CHML: variants seen among roughly 807,000 people sequenced by gnomAD.
The protein encoded by CHML is CHM like Rab escort protein.
CHML carries 20 observed loss-of-function variants against 30.4 expected under a neutral mutation model. The ratio of observed to expected loss-of-function variants is 0.66; its 90% CI spans 0.46 to 0.95. The LOEUF is 0.95. Ranked by LOEUF, CHML falls within the 40% of genes least tolerant of loss-of-function variation. The probability of loss-of-function intolerance (pLI) is 0.00; values close to 1 mark genes in which losing one functional copy is unlikely to be tolerated. For missense variants in CHML, 795 were observed against 768.5 expected, an observed-to-expected ratio of 1.03 and a Z score of -0.41; for synonymous variants, 281 against 275.0, an observed-to-expected ratio of 1.02 and a Z score of -0.22.
chr1:241,633,770 A>C lies in CHML; in HGVS notation c.*26T>G. On this transcript the variant is annotated 3_prime_UTR_variant, in exon 2 of 2. Coordinates refer to ENST00000366553, the MANE Select transcript of CHML (RefSeq NM_001381853.1). ...ATTCTGATGCCATGAAGGAGGTCCA[A>C]AACAGCATTTCGAGATTGCTCTTTT... is the stretch of plus-strand genomic sequence containing the variant. 1.2e-6 allele frequency: 2 copies of C among 1,610,762 alleles called. No homozygotes were observed. Among genetic ancestry groups the C allele is most frequent in the Non-Finnish European group, 1.7e-6 (2 of 1,178,832 alleles).
At position 241,628,875 on chromosome 1, in the gene CHML, A is replaced by G. The variant is rs535376939; in HGVS notation, c.*4921T>C. ...GTTCAGTAAACCACTTTACCAATTA[A>G]TCTTTTATTTTTTATTGCATACATC... On this transcript the variant is annotated 3_prime_UTR_variant, in exon 2 of 2. Coordinates refer to ENST00000366553, the MANE Select transcript of CHML (RefSeq NM_001381853.1). 10 of 152,692 alleles carry G rather than the reference A, an allele frequency of 6.5e-5. No individual in the cohort carries two copies. The South Asian group carries it at 1.7e-3, about 25-fold the overall frequency. The allele number at this position is 152,692 out of a possible 1,614,324, so 9.5% of individuals were successfully genotyped here. A position where few individuals can be genotyped will look rare whatever the true frequency, so the allele number is the denominator to read the frequency against.
Position 241,631,707 on chromosome 1 carries a change from T to G in CHML, c.*2089A>C, listed in dbSNP as rs1464387481. On this transcript the variant is annotated 3_prime_UTR_variant, in exon 2 of 2. Transcript: ENST00000366553. ...TTACTGAAGAACATTTTGTTAAAAT[T>G]TAGCCAAATTCTGCTTCGAGATCCA... 2 of 152,176 alleles carry G rather than the reference T, an allele frequency of 1.3e-5. No homozygotes were observed. The highest frequency in any genetic ancestry group is 2.9e-5 in the Non-Finnish European group (2 of 68,008). The allele number at this position is 152,176 out of a possible 1,614,324, so 9.4% of individuals were successfully genotyped here.
rs1664876881 is a variant in CHML at position 241,635,826 on chromosome 1, C to T, written c.-60G>A. ...ATGAAAGAAATGAGGTGTGATTATGCTGTAATAAAATCTGTCCTTCTGATG... is the reference window on the plus strand; with the variant it reads ...ATGAAAGAAATGAGGTGTGATTATGTTGTAATAAAATCTGTCCTTCTGATG... On this transcript the variant is annotated 5_prime_UTR_variant, in exon 2 of 2. Coordinates refer to ENST00000366553, the MANE Select transcript of CHML (RefSeq NM_001381853.1). 2 of 1,504,218 alleles carry T rather than the reference C, an allele frequency of 1.3e-6. No individual in the cohort carries two copies. Among genetic ancestry groups the T allele is most frequent in the African/African-American group, 1.4e-5 (1 of 71,940 alleles). The allele number at this position is 1,504,218 out of a possible 1,614,324, so 93.2% of individuals were successfully genotyped here.
intron 1 of CHML, among the ~76,000 whole-genome samples, chr1:241,636,694 A>C (rs1467724599): frequency 5.3e-5 from 8 of 152,226 alleles, no homozygotes; most frequent in Non-Finnish European, 1.2e-4. Flanking sequence ...AAAATGTATT[A>C]AAAATATTAT....
Position 241,635,748 on chromosome 1 carries a change from T to G in CHML, c.19A>C (p.Thr7Pro). MADNLP[T>P]EFDVVIIGTG... ...CCTATTATAACCACATCAAACTCTGTGGGAAGATTGTCCGCCATTTTAGGA... is the reference window on the plus strand; with the variant it reads ...CCTATTATAACCACATCAAACTCTGGGGGAAGATTGTCCGCCATTTTAGGA... The change falls in exon 2 of 2, where the codon ACA becomes CCA. Residue 7 changes from threonine (T) to proline (P), a missense_variant. Physicochemically the swap from Thr to Pro is conservative, Grantham distance 38. Coordinates refer to ENST00000366553, the MANE Select transcript of CHML (RefSeq NM_001381853.1). 6.2e-7 allele frequency: 1 copy of G among 1,609,410 alleles called. No individual in the cohort carries two copies. Among genetic ancestry groups the G allele is most frequent in the Non-Finnish European group, 8.5e-7 (1 of 1,177,068 alleles).
At chr1:241,637,914 C>T (rs887665519) in intron 1 of CHML, among the ~76,000 whole-genome samples, 1 of 152,176 alleles carries the variant, frequency 6.6e-6, no homozygotes, top group East Asian at 1.9e-4. Flanking sequence ...TAACTTCCTC[C>T]CCTTCAATAC....
Position 241,636,159 on chromosome 1 carries a change from T to G in CHML, c.-307-86A>C, listed in dbSNP as rs539451568. ...ATGCAACAATGACAATCCATTGGAG[T>G]GTGACATCTTATTTGGACATAAACC... On this transcript the variant is annotated intron_variant, in intron 1 of 1. Transcript: ENST00000366553. The G allele has an allele frequency of 1.5e-5, 6 of 408,466 alleles. No homozygotes were observed. In the South Asian group the frequency reaches 4.4e-4, roughly 30 times the overall value. The allele number at this position is 408,466 out of a possible 1,614,324, so 25.3% of individuals were successfully genotyped here.
At chr1:241,636,248 G>C (rs982268125) in intron 1 of CHML, among the ~76,000 whole-genome samples, 175 bp from the exon 2 acceptor site, 9 of 152,136 alleles carry the variant, frequency 5.9e-5, no homozygotes, top group African/African-American at 2.2e-4. Context: ...ATGGACAATA[G>C]AGATATAACA....
rs1361976393 is a variant in CHML at position 241,630,005 on chromosome 1, A to C, written c.*3791T>G. 1.3e-5 allele frequency: 2 copies of C among 152,102 alleles called. No homozygotes were observed. The highest frequency in any genetic ancestry group is 4.8e-5 in the African/African-American group (2 of 41,444). The allele number at this position is 152,102 out of a possible 1,614,324, so 9.4% of individuals were successfully genotyped here. Reference sequence around the variant, plus strand: ...TTATGCCATATTCCACACAGCAACCAGTTGGAATGTTAAATGGAACTGTAG... The same window carrying C: ...TTATGCCATATTCCACACAGCAACCCGTTGGAATGTTAAATGGAACTGTAG... On this transcript the variant is annotated 3_prime_UTR_variant, in exon 2 of 2. Transcript: ENST00000366553.
chr1:241,637,388 T>C (rs1664938493), intron 1 of CHML, among the ~76,000 whole-genome samples: 1 of 152,236 alleles, frequency 6.6e-6, no homozygotes, highest in African/African-American at 2.4e-5. Context: ...CCACTCATTT[T>C]TGGCATTCCC....
chr1:241,638,040 T>C (rs1210168004), intron 1 of CHML, among the ~76,000 whole-genome samples: 2 of 152,208 alleles, frequency 1.3e-5, no homozygotes, highest in African/African-American at 2.4e-5. Context: ...AAAGAAATCA[T>C]CTTCGCTAAA....
Position 241,629,788 on chromosome 1 carries a change from A to G in CHML, c.*4008T>C, listed in dbSNP as rs1664550404. The G allele has an allele frequency of 6.6e-6, 1 of 152,118 alleles. No individual in the cohort carries two copies. The highest frequency in any genetic ancestry group is 2.1e-4 in the South Asian group (1 of 4,832). The allele number at this position is 152,118 out of a possible 1,614,324, so 9.4% of individuals were successfully genotyped here. A position where few individuals can be genotyped will look rare whatever the true frequency, so the allele number is the denominator to read the frequency against. ...CTGACATCTAGCTAGTCTTTCCACC[A>G]GCAGTTATTAATATTTCTTTCTTTC... On this transcript the variant is annotated 3_prime_UTR_variant, in exon 2 of 2. Coordinates refer to ENST00000366553, the MANE Select transcript of CHML (RefSeq NM_001381853.1).
rs924002238 is a variant in CHML at position 241,632,686 on chromosome 1, G to A, written c.*1110C>T. On this transcript the variant is annotated 3_prime_UTR_variant, in exon 2 of 2. Transcript: ENST00000366553. The stretch of plus-strand genomic sequence containing the variant: ...TTGTTACTTCACAATTTGTTAAGTG[G>A]GACACAACCGAAAGGGCATGGTAAA... 2 of 152,008 alleles carry A rather than the reference G, an allele frequency of 1.3e-5. No homozygotes were observed. The highest frequency in any genetic ancestry group is 2.9e-5 in the Non-Finnish European group (2 of 67,976). 9.4% of individuals were successfully genotyped at this position (152,008 alleles called of 1,614,324 possible).
Position 241,635,701 on chromosome 1 carries a change from G to C in CHML, c.66C>G (p.Ile22Met), listed in dbSNP as rs1488382719. ...CACTTCTTGAACATGCAGCTGCAAG[G>C]ATGGATTCGGGCAAACCTGTCCCTA... ...VIIGTGLPES[I>M]LAAACSRSGQ... is the part of the protein sequence containing the mutation. Residue 22 changes from isoleucine (I) to methionine (M), a missense_variant, in exon 2 of 2, where the codon ATC becomes ATG. Transcript: ENST00000366553. 3 of 1,613,886 alleles carry C rather than the reference G, an allele frequency of 1.9e-6. No homozygotes were observed. Among genetic ancestry groups the C allele is most frequent in the Non-Finnish European group, 2.5e-6 (3 of 1,179,924 alleles).
intron 1 of CHML, among the ~76,000 whole-genome samples, chr1:241,639,487 A>C (rs1665027487): frequency 6.6e-6 from 1 of 151,940 alleles, no homozygotes; most frequent in Non-Finnish European, 1.5e-5. Flanking sequence ...TTTTTTCTTG[A>C]ATCTCTTGAC....
In CHML at chr1:241,633,770, A is replaced by G. The variant is rs753704460; in HGVS notation, c.*26T>C. 34 of 1,610,644 alleles carry G rather than the reference A, an allele frequency of 2.1e-5. No individual in the cohort carries two copies. The South Asian group carries it at 3.8e-4, about 18-fold the overall frequency. ...ATTCTGATGCCATGAAGGAGGTCCA[A>G]AACAGCATTTCGAGATTGCTCTTTT... is the stretch of plus-strand genomic sequence containing the variant. On this transcript the variant is annotated 3_prime_UTR_variant, in exon 2 of 2. Coordinates refer to ENST00000366553, the MANE Select transcript of CHML (RefSeq NM_001381853.1).
Position 241,640,066 on chromosome 1 carries a change from G to A in CHML, c.-492C>T, listed in dbSNP as rs1411465605. The A allele has an allele frequency of 6.2e-7, 1 of 1,611,812 alleles. No individual in the cohort carries two copies. Among genetic ancestry groups the A allele is most frequent in the Non-Finnish European group, 8.5e-7 (1 of 1,179,180 alleles). ...GCCGCTGGAACTTGTAGTAGAGGACGAGCACCAGCAGGTTGTTGCCGACGC... is the reference window on the plus strand; with the variant it reads ...GCCGCTGGAACTTGTAGTAGAGGACAAGCACCAGCAGGTTGTTGCCGACGC... On this transcript the variant is annotated 5_prime_UTR_variant, in exon 1 of 2. Coordinates refer to ENST00000366553, the MANE Select transcript of CHML (RefSeq NM_001381853.1).
Position 241,634,069 on chromosome 1 carries a change from C to G in CHML, c.1698G>C (p.Ser566=). The G allele has an allele frequency of 6.2e-7, 1 of 1,612,032 alleles. No homozygotes were observed. The highest frequency in any genetic ancestry group is 1.1e-5 in the South Asian group (1 of 90,718). Residue 566 remains serine, a synonymous_variant, in exon 2 of 2, where the codon TCG becomes TCC. Transcript: ENST00000366553. Reference sequence around the variant, plus strand: ...AAACATTGGAAGGCAAGCCATTATACGAGCTTCTGCTGATTCCCGAGGAAT... The same window carrying G: ...AAACATTGGAAGGCAAGCCATTATAGGAGCTTCTGCTGATTCCCGAGGAAT... ...MRDSSGISRS[S]YNGLPSNVYV... is the part of the protein sequence containing the mutation.
At position 241,635,301 on chromosome 1, in the gene CHML, T is replaced by C. The variant is rs1388312417; in HGVS notation, c.466A>G (p.Lys156Glu). The change falls in exon 2 of 2, where the codon AAA becomes GAA. Residue 156 changes from lysine to glutamate, a missense_variant. Transcript: ENST00000366553. The stretch of plus-strand genomic sequence containing the variant: ...TCTGTATCACTTTTCTGAGTGTGTT[T>C]TGCAGGCATTTCGTCGCTATTAAAA... ...SYFNSDEMPA[K>E]HTQKSDTEIS... The C allele has an allele frequency of 2.5e-6, 4 of 1,614,004 alleles. No homozygotes were observed. The highest frequency in any genetic ancestry group is 2.5e-6 in the Non-Finnish European group (3 of 1,179,920).
Sources: allele counts gnomAD v4.1 joint callset (sites outside exome capture counted in the v4.1 genomes callset), GRCh38; gene constraint gnomAD v4.1.1; transcripts MANE v1.5; gene names NCBI Gene and HGNC (gene_info 2026-07-23, HGNC 2026-07-21).